Variants in MATCAP2 observed in about 807,000 individuals in gnomAD.
MATCAP2 encodes the protein putative tyrosine carboxypeptidase MATCAP2.
At chr7:36,328,216 C>T in the MATCAP2 span, among the ~76,000 whole-genome samples, 4 of 111,418 alleles carry the variant, frequency 3.6e-5, no homozygotes, top group South Asian at 3.3e-4. Flanking sequence ...CCACCATGCC[C>T]GGCTAATTTG....
At chr7:36,382,118 A>C in the MATCAP2 span, among the ~76,000 whole-genome samples, 140,332 of 151,196 alleles carry the variant, frequency 0.93, 65,473 homozygotes, top group South Asian at 0.98. Context: ...CATGGTGAAA[A>C]CCTGTCTCCA....
chr7:36,390,342 C>T, the MATCAP2 span: 2 of 459,536 alleles, frequency 4.4e-6, no homozygotes, highest in Non-Finnish European at 4.0e-6. Context: ...CTCTGCAGTC[C>T]TGGCGCAGCA....
chr7:36,387,431 A>T, the MATCAP2 span, among the ~76,000 whole-genome samples: 1 of 152,094 alleles, frequency 6.6e-6, no homozygotes, highest in Non-Finnish European at 1.5e-5. Flanking sequence ...TTGTTTTCAA[A>T]TTTTTTTATT....
the MATCAP2 span, among the ~76,000 whole-genome samples, chr7:36,350,001 T>C: frequency 6.6e-6 from 1 of 152,214 alleles, no homozygotes; most frequent in Admixed American, 6.5e-5. Context: ...ATAACTTCAG[T>C]GTATCTGTGA....
At chr7:36,369,521 A>G in the MATCAP2 span, among the ~76,000 whole-genome samples, 5 of 152,192 alleles carry the variant, frequency 3.3e-5, no homozygotes, top group African/African-American at 1.2e-4. Context: ...TTTCTCAAAA[A>G]AGAAAGCCTC....
the MATCAP2 span, among the ~76,000 whole-genome samples, chr7:36,336,737 AC>A: frequency 1.4e-4 from 21 of 152,236 alleles, no homozygotes; most frequent in African/African-American, 4.8e-4. Context: ...AATTTTAAGA[AC>A]ACACATAAGA....
the MATCAP2 span, among the ~76,000 whole-genome samples, chr7:36,330,381 G>A: frequency 1.3e-5 from 2 of 152,048 alleles, no homozygotes; most frequent in South Asian, 4.1e-4. Context: ...TTGCGGGCGT[G>A]AGCCACCCTG....
At chr7:36,389,670 C>G in the MATCAP2 span, 7 of 233,444 alleles carry the variant, frequency 3.0e-5, no homozygotes, top group African/African-American at 1.4e-4. Flanking sequence ...GGAAGCGCCC[C>G]GCTGCCCGCC....
the MATCAP2 span, chr7:36,326,829 A>C: frequency 6.2e-7 from 1 of 1,614,092 alleles, no homozygotes; most frequent in South Asian, 1.1e-5. Context: ...AGTGTTCCAT[A>C]TATCGGCCAT....
chr7:36,367,051 G>A, the MATCAP2 span: 5 of 1,276,766 alleles, frequency 3.9e-6, no homozygotes, highest in Non-Finnish European at 4.9e-6. Context: ...GGGCGCGGCG[G>A]GAGGCGGCTC....
the MATCAP2 span, chr7:36,331,105 T>C: frequency 2.8e-6 from 4 of 1,432,726 alleles, no homozygotes; most frequent in African/African-American, 2.8e-5. Flanking sequence ...TAGTGTTTAC[T>C]TTCTGATGTT....
At chr7:36,385,993 A>G in the MATCAP2 span, among the ~76,000 whole-genome samples, 1 of 151,982 alleles carries the variant, frequency 6.6e-6, no homozygotes, top group Non-Finnish European at 1.5e-5. Context: ...CAACTCTACT[A>G]AAAACACAAA....
At chr7:36,326,127 T>G in the MATCAP2 span, 1 of 151,992 alleles carries the variant, frequency 6.6e-6, no homozygotes, top group Non-Finnish European at 1.5e-5. Flanking sequence ...AGTTAAGAGA[T>G]AACCGGACAA....
chr7:36,352,515 CTT>C, the MATCAP2 span, among the ~76,000 whole-genome samples: 11,295 of 150,376 alleles, frequency 0.075, 566 homozygotes, highest in East Asian at 0.16. Flanking sequence ...ATATATCACT[CTT>C]AATGTTTTAT....
chr7:36,347,541 CTT>C, the MATCAP2 span, among the ~76,000 whole-genome samples: 1 of 152,152 alleles, frequency 6.6e-6, no homozygotes, highest in Non-Finnish European at 1.5e-5. Context: ...GTCGTTGTAC[CTT>C]TCTCAGGTTT....
the MATCAP2 span, among the ~76,000 whole-genome samples, chr7:36,332,411 G>A: frequency 1.0e-3 from 158 of 152,244 alleles, 2 homozygotes; most frequent in Admixed American, 9.4e-3. Flanking sequence ...TGGCAGACAC[G>A]TTGCTTATCT....
At chr7:36,389,903 T>C in the MATCAP2 span, 69 of 1,565,958 alleles carry the variant, frequency 4.4e-5, no homozygotes, top group African/African-American at 7.0e-4. Flanking sequence ...CAGCTGGTTG[T>C]GGGAGAGTTC....
At chr7:36,374,312 T>C in the MATCAP2 span, among the ~76,000 whole-genome samples, 1 of 151,720 alleles carries the variant, frequency 6.6e-6, no homozygotes, top group African/African-American at 2.4e-5. Context: ...ACTCTTGGAC[T>C]CAAGTGATCC....
chr7:36,358,076 T>C, the MATCAP2 span, among the ~76,000 whole-genome samples: 2 of 151,986 alleles, frequency 1.3e-5, no homozygotes, highest in Non-Finnish European at 2.9e-5. Flanking sequence ...TGCGCCCCTG[T>C]AATCCCAGCT....
Sources: allele counts gnomAD v4.1 joint callset (sites outside exome capture counted in the v4.1 genomes callset), GRCh38; gene constraint gnomAD v4.1.1; transcripts MANE v1.5; gene names NCBI Gene and HGNC (gene_info 2026-07-23, HGNC 2026-07-21).